Variants in PDE3A observed in about 807,000 individuals in gnomAD.
PDE3A encodes the protein phosphodiesterase 3A, also known as cGMP-inhibited 3',5'-cyclic phosphodiesterase 3A.
PDE3A carries 43 observed loss-of-function variants against 98.3 expected under a neutral mutation model. The observed-to-expected ratio is 0.44, with a 90% CI of 0.34 to 0.56. PDE3A has a LOEUF of 0.56. PDE3A is among the 20% of genes least tolerant of loss of function. The pLI, the probability that PDE3A is intolerant of heterozygous loss-of-function variation, is 0.01. For synonymous variants in PDE3A, 663 were observed against 567.9 expected, an observed-to-expected ratio of 1.17 and a Z score of -2.38; for missense variants, 1,427 against 1,440.7, an observed-to-expected ratio of 0.99 and a Z score of 0.15.
intron 2 of PDE3A, among the ~76,000 whole-genome samples, chr12:20,575,630 ATTGT>A (rs1264470401): frequency 1.3e-5 from 2 of 151,934 alleles, no homozygotes; most frequent in African/African-American, 2.4e-5. Context: ...ACTCTCTAAG[ATTGT>A]TTGGGATCAT....
At chr12:20,473,860 C>G (rs1023998220) in intron 1 of PDE3A, among the ~76,000 whole-genome samples, 2 of 152,018 alleles carry the variant, frequency 1.3e-5, no homozygotes, top group African/African-American at 4.8e-5. Context: ...TACGAAGGTC[C>G]TATAACATTG....
intron 1 of PDE3A, among the ~76,000 whole-genome samples, chr12:20,421,482 G>A (rs1944510317): frequency 6.6e-6 from 1 of 151,594 alleles, no homozygotes; most frequent in Non-Finnish European, 1.5e-5. Context: ...AAGTTAATCT[G>A]TAGAATTTAA....
chr12:20,392,552 T>TAAATAAATAAATA (rs1555141664), intron 1 of PDE3A, among the ~76,000 whole-genome samples: 1 of 137,674 alleles, frequency 7.3e-6, no homozygotes, highest in African/African-American at 3.0e-5. Context: ...AATAAATAAA[T>TAAATAAATAAATA]AAATAAAATC....
At chr12:20,406,365 T>C (rs1944233682) in intron 1 of PDE3A, among the ~76,000 whole-genome samples, 1 of 152,186 alleles carries the variant, frequency 6.6e-6, no homozygotes, top group Admixed American at 6.5e-5. Context: ...ATGTAAGGGT[T>C]CCCGTTTTTC....
chr12:20,487,501 T>TAA lies in PDE3A; in HGVS notation c.961-69132_961-69131dup, dbSNP rs34671800. ...CAACATGGTGAAACCCTGTCTCTAC[T>TAA]AAAAAAAAAAAAAAAAAAAAAAAAA... On this transcript the variant is annotated intron_variant, in intron 1 of 15. Coordinates refer to ENST00000359062, the MANE Select transcript of PDE3A (RefSeq NM_000921.5). Among the ~76,000 whole-genome samples the TAA allele has an allele frequency of 3.5e-4, 22 of 61,998 alleles. 1 individual carries two copies. Among genetic ancestry groups the TAA allele is most frequent in the African/African-American group, 1.0e-3 (16 of 15,520 alleles). 40.7% of individuals were successfully genotyped at this position (61,998 alleles called of 152,430 possible). A position where few individuals can be genotyped will look rare whatever the true frequency, so the allele number is the denominator to read the frequency against.
chr12:20,684,925 A>G lies in PDE3A; in HGVS notation c.*4654A>G, dbSNP rs573027079. ...TCACACCAAAGACCCATGCTCAGAG[A>G]ATGGTAACATATTTTCCAGTCTATG... On this transcript the variant is annotated 3_prime_UTR_variant, in exon 16 of 16. Coordinates refer to ENST00000359062, the MANE Select transcript of PDE3A (RefSeq NM_000921.5). 6.2e-4 allele frequency among the ~76,000 whole-genome samples: 94 copies of G among 152,346 alleles called. No individual in the cohort carries two copies. The Middle Eastern group carries it at 0.02, about 33-fold the overall frequency.
chr12:20,461,235 A>T (rs1945243044), intron 1 of PDE3A, among the ~76,000 whole-genome samples: 1 of 109,274 alleles, frequency 9.2e-6, no homozygotes. Context: ...AGTGTTTGTC[A>T]GAAAAAAAAA....
chr12:20,446,709 A>T (rs1273545699), intron 1 of PDE3A, among the ~76,000 whole-genome samples: 1 of 152,186 alleles, frequency 6.6e-6, no homozygotes. Flanking sequence ...TCATTCTAAC[A>T]GCTAGTAATG....
At position 20,390,457 on chromosome 12, in the gene PDE3A, G is replaced by GAAA. The variant is rs34930599; in HGVS notation, c.960+20227_960+20229dup. Reference sequence around the variant, plus strand: ...GTGGTGGGCAGGAAAGGTGATTTAAGAAAAAAAAAAAAAAAACTGCAGTTG... The same window carrying GAAA: ...GTGGTGGGCAGGAAAGGTGATTTAAGAAAAAAAAAAAAAAAAAAACTGCAGTTG... On this transcript the variant is annotated intron_variant, in intron 1 of 15. Coordinates refer to ENST00000359062, the MANE Select transcript of PDE3A (RefSeq NM_000921.5). Among the ~76,000 whole-genome samples the GAAA allele has an allele frequency of 3.7e-4, 47 of 127,544 alleles. 2 individuals carry two copies. The highest frequency in any genetic ancestry group is 4.7e-4 in the African/African-American group (16 of 33,990). 83.7% of individuals were successfully genotyped at this position (127,544 alleles called of 152,430 possible). A position where few individuals can be genotyped will look rare whatever the true frequency, so the allele number is the denominator to read the frequency against.
intron 1 of PDE3A, among the ~76,000 whole-genome samples, chr12:20,449,154 C>G (rs1456099861): frequency 6.6e-6 from 1 of 152,158 alleles, no homozygotes; most frequent in East Asian, 1.9e-4. Context: ...ACACTCCAGA[C>G]CTAAATGGTG....
At position 20,629,965 on chromosome 12, in the gene PDE3A, C is replaced by G; in HGVS notation, c.1598C>G (p.Thr533Ser). 1 of 1,614,094 alleles carries G rather than the reference C, an allele frequency of 6.2e-7. No homozygotes were observed. The highest frequency in any genetic ancestry group is 8.5e-7 in the Non-Finnish European group (1 of 1,179,974). ...SSPCSSPLQG[T>S]PASSLVSKIS... ...CCCTGCTCCTCACCTCTCCAAGGGA[C>G]TCCTGCCAGCAGCCTGGTCAGCAAA... The change falls in exon 6 of 16, where the codon ACT (threonine) becomes AGT (serine). Residue 533 changes from threonine (T) to serine (S), a missense_variant. This residue lies in a region of PDE3A where 1,012 missense variants were observed against 886.5 expected (regional missense o/e 1.14). Coordinates refer to ENST00000359062, the MANE Select transcript of PDE3A (RefSeq NM_000921.5).
Position 20,490,358 on chromosome 12 carries a change from A to G in PDE3A, c.961-66302A>G, listed in dbSNP as rs529463929. Among the ~76,000 whole-genome samples the G allele has an allele frequency of 4.6e-5, 7 of 152,366 alleles. No homozygotes were observed. The East Asian group carries it at 1.3e-3, about 29-fold the overall frequency. On this transcript the variant is annotated intron_variant, in intron 1 of 15. Transcript: ENST00000359062. Reference sequence around the variant, plus strand: ...TATTTGGAAAGGACACATACATTCCAAAGTGTCTAGTGATGAGGCAAAATT... The same window carrying G: ...TATTTGGAAAGGACACATACATTCCGAAGTGTCTAGTGATGAGGCAAAATT...
At chr12:20,387,668 A>G (rs2120589684) in intron 1 of PDE3A, among the ~76,000 whole-genome samples, 1 of 152,176 alleles carries the variant, frequency 6.6e-6, no homozygotes, top group Non-Finnish European at 1.5e-5. Flanking sequence ...CTTCAGTGAT[A>G]GGTGCTATAT....
At chr12:20,463,288 C>T (rs1409499449) in intron 1 of PDE3A, among the ~76,000 whole-genome samples, 2 of 152,136 alleles carry the variant, frequency 1.3e-5, no homozygotes, top group Non-Finnish European at 2.9e-5. Context: ...ACTTTCAACT[C>T]ATCAGTGACA....
intron 1 of PDE3A, among the ~76,000 whole-genome samples, chr12:20,427,970 C>T (rs1203190971): frequency 6.6e-6 from 1 of 152,014 alleles, no homozygotes; most frequent in Non-Finnish European, 1.5e-5. Flanking sequence ...CTTTGGGAGG[C>T]TGAGACGGGC....
chr12:20,413,518 A>G (rs1462942846), intron 1 of PDE3A, among the ~76,000 whole-genome samples: 1 of 152,140 alleles, frequency 6.6e-6, no homozygotes, highest in African/African-American at 2.4e-5. Context: ...CCTGCCTAGG[A>G]CAAGAGAGAG....
chr12:20,542,811 C>T (rs549267233), intron 1 of PDE3A, among the ~76,000 whole-genome samples: 6 of 151,842 alleles, frequency 4.0e-5, no homozygotes, highest in East Asian at 1.9e-4. Flanking sequence ...CCAGTGGGTT[C>T]GTCTGAGTTT....
In PDE3A at chr12:20,552,778, A is replaced by G; in HGVS notation, c.961-3882A>G. ...CAGCCCGTTCCAGTTGTTCCTGAGT[A>G]AAGTGGAGGAGACGTTCCAGTGTAT... On this transcript the variant is annotated intron_variant, in intron 1 of 15. Transcript: ENST00000359062. The surrounding 1 kb of genome is among the most constrained non-coding windows in gnomAD (Gnocchi z 5.1). 3 of 1,614,048 alleles carry G rather than the reference A, an allele frequency of 1.9e-6. No homozygotes were observed. The highest frequency in any genetic ancestry group is 4.5e-5 in the East Asian group (2 of 44,872).
chr12:20,603,297 TAGAA>T (rs1164155484), intron 2 of PDE3A, among the ~76,000 whole-genome samples: 1 of 151,926 alleles, frequency 6.6e-6, no homozygotes, highest in African/African-American at 2.4e-5. Flanking sequence ...GATGACTAAA[TAGAA>T]AGAAAAAAAT....
Sources: allele counts gnomAD v4.1 joint callset (sites outside exome capture counted in the v4.1 genomes callset), GRCh38; gene constraint gnomAD v4.1.1; regional missense constraint gnomAD v4.1.1; non-coding constraint Gnocchi (gnomAD v3.1); transcripts MANE v1.5; gene names NCBI Gene and HGNC (gene_info 2026-07-23, HGNC 2026-07-21).